CEP112: variants seen among roughly 807,000 people sequenced by gnomAD.
The protein encoded by CEP112 is centrosomal protein 112, also known as centrosomal protein of 112 kDa.
A neutral mutation model predicts 153.0 loss-of-function variants in CEP112; 127 were observed. The ratio of observed to expected loss-of-function variants is 0.83; its 90% CI spans 0.72 to 0.96. The LOEUF is 0.96. Ranked by LOEUF, CEP112 falls within the 40% of genes least tolerant of loss-of-function variation. The probability of loss-of-function intolerance (pLI) is 0.00; values close to 1 mark genes in which losing one functional copy is unlikely to be tolerated. For synonymous variants in CEP112, 358 were observed against 374.4 expected (o/e 0.96, Z 0.51); for missense variants, 1,089 against 1,101.2 (o/e 0.99, Z 0.16).
chr17:65,728,973 T>C (rs2050338471), intron 23 of CEP112, among the ~76,000 whole-genome samples: 1 of 152,172 alleles, frequency 6.6e-6, no homozygotes, highest in Admixed American at 6.5e-5. Context: ...TTTCACTTTA[T>C]AAACTTAAAA....
chr17:65,987,004 A>C (rs1374190914), intron 17 of CEP112, among the ~76,000 whole-genome samples: 1 of 152,202 alleles, frequency 6.6e-6, no homozygotes, highest in Non-Finnish European at 1.5e-5. Context: ...CTTATTCATT[A>C]TTGAGTAATG....
intron 3 of CEP112, among the ~76,000 whole-genome samples, chr17:66,175,844 C>T: frequency 6.6e-6 from 1 of 152,188 alleles, no homozygotes; most frequent in East Asian, 1.9e-4. Context: ...ATCTTCACAT[C>T]TAGATGTGCT....
At chr17:66,041,457 A>G (rs1270573792) in intron 12 of CEP112, among the ~76,000 whole-genome samples, 1 of 152,218 alleles carries the variant, frequency 6.6e-6, no homozygotes, top group African/African-American at 2.4e-5. Context: ...ACTTATAATC[A>G]GTTTCCAAAA....
intron 18 of CEP112, among the ~76,000 whole-genome samples, chr17:65,943,773 T>A (rs1006455989): frequency 2.6e-5 from 4 of 152,032 alleles, no homozygotes; most frequent in African/African-American, 9.7e-5. Context: ...TTGTGTTGGG[T>A]AAGTTCTCCC....
At chr17:66,145,651 C>T (rs1337067707) in intron 4 of CEP112, among the ~76,000 whole-genome samples, 1 of 152,120 alleles carries the variant, frequency 6.6e-6, no homozygotes, top group African/African-American at 2.4e-5. Flanking sequence ...TGAGGGCTCA[C>T]TTCTGGAATT....
intron 12 of CEP112, among the ~76,000 whole-genome samples, chr17:66,045,093 CAG>C (rs1294834482): frequency 6.6e-6 from 1 of 150,860 alleles, no homozygotes; most frequent in Non-Finnish European, 1.5e-5. Flanking sequence ...TTTTTTGAAA[CAG>C]GGTCACACTC....
At chr17:65,875,763 T>C (rs1438540559) in intron 20 of CEP112, among the ~76,000 whole-genome samples, 1 of 152,164 alleles carries the variant, frequency 6.6e-6, no homozygotes, top group Non-Finnish European at 1.5e-5. Context: ...TCACAACCCC[T>C]ATTATCTAAA....
In CEP112 at chr17:65,842,949, T is replaced by C. The variant is rs181941403; in HGVS notation, c.2394+8855A>G. Among the ~76,000 whole-genome samples, 436 of 152,152 alleles carry C rather than the reference T, an allele frequency of 2.9e-3. 2 individuals are homozygous for C. Among genetic ancestry groups the C allele is most frequent in the African/African-American group, 0.01 (426 of 41,516 alleles). On this transcript the variant is annotated intron_variant, in intron 21 of 26. Coordinates refer to ENST00000535342, the MANE Select transcript of CEP112 (RefSeq NM_001199165.4). ...TCTTTAAATACTTATCCTACAATAGTACTCCAAACCTCAGCATCACACACT... is the reference window on the plus strand; with the variant it reads ...TCTTTAAATACTTATCCTACAATAGCACTCCAAACCTCAGCATCACACACT...
At chr17:65,834,747 G>A (rs1387497269) in intron 21 of CEP112, among the ~76,000 whole-genome samples, 1 of 152,158 alleles carries the variant, frequency 6.6e-6, no homozygotes, top group African/African-American at 2.4e-5. Flanking sequence ...CACTGTCTGT[G>A]GGAGTGTAAA....
intron 6 of CEP112, among the ~76,000 whole-genome samples, chr17:66,106,084 G>A (rs868845814): frequency 1.3e-5 from 2 of 151,822 alleles, no homozygotes; most frequent in African/African-American, 4.8e-5. Flanking sequence ...AGGAAATAAA[G>A]AAGGAAAATT....
intron 8 of CEP112, among the ~76,000 whole-genome samples, chr17:66,085,282 A>G (rs1598320082): frequency 6.6e-6 from 1 of 152,318 alleles, no homozygotes; most frequent in Non-Finnish European, 1.5e-5. Context: ...AGCACAATCT[A>G]ATTTTAGAAC....
intron 21 of CEP112, among the ~76,000 whole-genome samples, chr17:65,832,642 G>A (rs192306245): frequency 6.6e-6 from 1 of 150,818 alleles, no homozygotes; most frequent in African/African-American, 2.5e-5. Context: ...ATCCTGCCAA[G>A]GCTGAACAAG....
intron 21 of CEP112, among the ~76,000 whole-genome samples, chr17:65,809,308 T>C (rs1488033374): frequency 1.3e-5 from 2 of 152,218 alleles, no homozygotes. Context: ...CAGATTTCCA[T>C]TTTGTTTCAA....
chr17:65,832,999 T>G (rs2057150786), intron 21 of CEP112, among the ~76,000 whole-genome samples: 1 of 152,146 alleles, frequency 6.6e-6, no homozygotes, highest in African/African-American at 2.4e-5. Flanking sequence ...ATCAAAAAGC[T>G]AATCCACCAC....
At chr17:66,079,027 A>T (rs1280850284) in intron 8 of CEP112, among the ~76,000 whole-genome samples, 1 of 152,206 alleles carries the variant, frequency 6.6e-6, no homozygotes, top group Non-Finnish European at 1.5e-5. Flanking sequence ...ATCACTAATC[A>T]TCAGAGAAAT....
At chr17:65,965,973 G>A (rs930492886) in intron 17 of CEP112, among the ~76,000 whole-genome samples, 4 of 152,152 alleles carry the variant, frequency 2.6e-5, no homozygotes, top group Non-Finnish European at 4.4e-5. Context: ...CACAGGAACA[G>A]CGCTCCTTTT....
chr17:65,862,014 T>G (rs996838566), intron 20 of CEP112, among the ~76,000 whole-genome samples: 1 of 152,212 alleles, frequency 6.6e-6, no homozygotes, highest in Non-Finnish European at 1.5e-5. Context: ...CAAAATGAAT[T>G]AACCAGAGCT....
intron 6 of CEP112, among the ~76,000 whole-genome samples, chr17:66,097,777 G>A (rs1460727668): frequency 6.6e-5 from 10 of 152,136 alleles, no homozygotes; most frequent in African/African-American, 2.4e-4. Context: ...TAGACATATT[G>A]ATAGTTATCT....
rs570076258 is a variant in CEP112 at position 66,011,034 on chromosome 17, T to A, written c.1657-5265A>T. On this transcript the variant is annotated intron_variant, in intron 16 of 26. Transcript: ENST00000535342. ...TTTGGAACAGCTTCAGTAGGAATAG[T>A]AGCAGCTCTTCTTTACACATCTGCT... Among the ~76,000 whole-genome samples, 3 of 152,198 alleles carry A rather than the reference T, an allele frequency of 2.0e-5. No homozygotes were observed. In the South Asian group the frequency reaches 6.2e-4, roughly 31 times the overall value.
Sources: gnomAD v4.1 joint callset for allele counts (sites outside exome capture counted in the v4.1 genomes callset) on GRCh38, gnomAD v4.1.1 for gene constraint, MANE v1.5 for transcripts, NCBI Gene and HGNC (gene_info 2026-07-23, HGNC 2026-07-21) for gene names.